Variants in CFAP299 observed in about 807,000 individuals in gnomAD.
CFAP299 encodes the protein cilia and flagella associated protein 299.
CFAP299 carries 21 observed loss-of-function variants against 27.0 expected under a neutral mutation model. That is an observed-to-expected ratio of 0.78 (90% CI 0.55 to 1.12). The LOEUF (loss-of-function observed/expected upper bound fraction) is 1.12. Among genes scored for constraint, CFAP299 ranks in the 50% most tolerant of loss-of-function variants. The probability of loss-of-function intolerance (pLI) is 0.00; values close to 1 mark genes in which losing one functional copy is unlikely to be tolerated. For synonymous variants in CFAP299, 104 were observed against 98.1 expected, an observed-to-expected ratio of 1.06 and a Z score of -0.36; for missense variants, 310 against 276.6, an observed-to-expected ratio of 1.12 and a Z score of -0.86.
At chr4:80,340,068 A>G (rs1454060541) in intron 1 of CFAP299, among the ~76,000 whole-genome samples, 1 of 152,228 alleles carries the variant, frequency 6.6e-6, no homozygotes, top group Non-Finnish European at 1.5e-5. Flanking sequence ...ACTGCAGTCC[A>G]TGGCTGTCAT....
chr4:80,962,458 A>C (rs578160285), intron 5 of CFAP299, among the ~76,000 whole-genome samples: 1 of 152,110 alleles, frequency 6.6e-6, no homozygotes, highest in African/African-American at 2.4e-5. Context: ...CATTACTATC[A>C]GTTTTATACA....
At chr4:80,545,430 A>T (rs945010950) in intron 2 of CFAP299, among the ~76,000 whole-genome samples, 1 of 151,778 alleles carries the variant, frequency 6.6e-6, no homozygotes, top group African/African-American at 2.4e-5. Context: ...ATTACAAACC[A>T]CCCTACAGAA....
At chr4:80,335,924 G>C (rs773263251) in intron 1 of CFAP299, 45 bp downstream of exon 1, 2 of 1,244,702 alleles carry the variant, frequency 1.6e-6, no homozygotes, top group South Asian at 2.4e-5. Context: ...CGCGTCCCTC[G>C]GTCCCTCCTC....
rs964990882 is a variant in CFAP299 at position 80,655,533 on chromosome 4, C to G, written c.333+72350C>G. Among the ~76,000 whole-genome samples, 11 of 152,126 alleles carry G rather than the reference C, an allele frequency of 7.2e-5. No homozygotes were observed. In the East Asian group the frequency reaches 1.2e-3, roughly 16 times the overall value. Reference sequence around the variant, plus strand: ...CCACAAATGCTTTGCATGTGTTGTTCTTGAAGAGCAAATAAAAGAGAAACC... The same window carrying G: ...CCACAAATGCTTTGCATGTGTTGTTGTTGAAGAGCAAATAAAAGAGAAACC... On this transcript the variant is annotated intron_variant, in intron 3 of 5. Transcript: ENST00000358105.
chr4:80,799,342 T>G (rs1310676900), intron 3 of CFAP299, among the ~76,000 whole-genome samples: 22 of 97,232 alleles, frequency 2.3e-4, no homozygotes, highest in Non-Finnish European at 4.0e-4. Flanking sequence ...AATATTTATA[T>G]ATATAAATGT....
In CFAP299 at chr4:80,742,213, A is replaced by G. The variant is rs77240863; in HGVS notation, c.334-127780A>G. On this transcript the variant is annotated intron_variant, in intron 3 of 5. Coordinates refer to ENST00000358105, the MANE Select transcript of CFAP299 (RefSeq NM_152770.3). ...TGATGGTGCTTTTCTGTGTGCAGAT[A>G]CTTGTTAAAATTTGATATTCCAGCA... Among the ~76,000 whole-genome samples, 760 of 152,216 alleles carry G rather than the reference A, an allele frequency of 5.0e-3. 15 individuals are homozygous for G. The highest frequency in any genetic ancestry group is 0.018 in the African/African-American group (734 of 41,524).
intron 2 of CFAP299, among the ~76,000 whole-genome samples, chr4:80,529,383 T>A (rs1376106134): frequency 6.6e-6 from 1 of 152,204 alleles, no homozygotes; most frequent in African/African-American, 2.4e-5. Context: ...TACAACAGAC[T>A]ATGTTCTTAT....
At chr4:80,868,925 G>C (rs1176718932) in intron 3 of CFAP299, among the ~76,000 whole-genome samples, 2 of 151,334 alleles carry the variant, frequency 1.3e-5, no homozygotes, top group East Asian at 3.9e-4. Flanking sequence ...GTGTGTGTGT[G>C]TGTGTGTGTG....
At chr4:80,570,369 G>A (rs770143197) in intron 2 of CFAP299, among the ~76,000 whole-genome samples, 7 of 151,812 alleles carry the variant, frequency 4.6e-5, no homozygotes, top group Non-Finnish European at 8.8e-5. Flanking sequence ...TATTTGCAGA[G>A]CATATAGTAA....
intron 4 of CFAP299, among the ~76,000 whole-genome samples, chr4:80,933,917 A>G (rs1043760645): frequency 1.3e-5 from 2 of 152,014 alleles, no homozygotes; most frequent in African/African-American, 4.8e-5. Context: ...AAGGTCTTCT[A>G]TTTCTTTTTG....
At chr4:80,855,804 C>G (rs2110152524) in intron 3 of CFAP299, among the ~76,000 whole-genome samples, 1 of 152,118 alleles carries the variant, frequency 6.6e-6, no homozygotes, top group South Asian at 2.1e-4. Context: ...TCCAGTCTAT[C>G]ATTGTTGGAC....
At chr4:80,365,460 T>C (rs1723782739) in intron 2 of CFAP299, among the ~76,000 whole-genome samples, 1 of 152,210 alleles carries the variant, frequency 6.6e-6, no homozygotes, top group Non-Finnish European at 1.5e-5. Flanking sequence ...TTCACAGTTC[T>C]TAAGATTAGA....
intron 4 of CFAP299, among the ~76,000 whole-genome samples, chr4:80,938,971 A>C (rs146059970): frequency 0.013 from 1,983 of 152,156 alleles, 24 homozygotes; most frequent in Middle Eastern, 0.02. Context: ...AGCACTTTAA[A>C]TATATTGTTT....
Position 80,675,052 on chromosome 4 carries a change from G to C in CFAP299, c.333+91869G>C, listed in dbSNP as rs367902838. On this transcript the variant is annotated intron_variant, in intron 3 of 5. Transcript: ENST00000358105. ...GCTCATCAAAGTCATTCTCCATCCA[G>C]CTTTGTTGCATTGCTGGTGAGGAGC... 5.1e-3 allele frequency among the ~76,000 whole-genome samples: 771 copies of C among 152,314 alleles called. 5 individuals are homozygous for C. The highest frequency in any genetic ancestry group is 0.02 in the Middle Eastern group (6 of 294).
intron 3 of CFAP299, among the ~76,000 whole-genome samples, chr4:80,613,635 C>T (rs901962005): frequency 3.3e-5 from 5 of 152,096 alleles, no homozygotes; most frequent in Non-Finnish European, 7.4e-5. Context: ...AAAATGCAGT[C>T]CATCTGTCAC....
intron 4 of CFAP299, among the ~76,000 whole-genome samples, chr4:80,924,538 G>GTGTATGTATATATA (rs5859742): frequency 2.3e-5 from 3 of 131,670 alleles, no homozygotes; most frequent in Admixed American, 7.4e-5. Flanking sequence ...GTGTGTGTGT[G>GTGTATGTATATATA]TATATATATA....
rs1491433260 is a variant in CFAP299, at chr4:80,924,539, T to TGC, written c.477-20271_477-20270insGC. Among the ~76,000 whole-genome samples the TGC allele has an allele frequency of 3.3e-3, 282 of 86,098 alleles. 2 individuals are homozygous for TGC. Among genetic ancestry groups the TGC allele is most frequent in the Non-Finnish European group, 1.2e-3 (53 of 43,184 alleles). The allele number at this position is 86,098 out of a possible 152,430, so 56.5% of individuals were successfully genotyped here. A position where few individuals can be genotyped will look rare whatever the true frequency, so the allele number is the denominator to read the frequency against. ...ATGTGTGTGTGTGTGTGTGTGTGTG[T>TGC]ATATATATATATATATATATATATC... On this transcript the variant is annotated intron_variant, in intron 4 of 5. Coordinates refer to ENST00000358105, the MANE Select transcript of CFAP299 (RefSeq NM_152770.3).
intron 2 of CFAP299, among the ~76,000 whole-genome samples, chr4:80,376,675 A>C (rs1429543977): frequency 6.6e-6 from 1 of 152,160 alleles, no homozygotes; most frequent in East Asian, 1.9e-4. Flanking sequence ...TTTTATTGAG[A>C]TGGAGTTTCA....
At chr4:80,619,427 T>G (rs558827438) in intron 3 of CFAP299, among the ~76,000 whole-genome samples, 75 of 152,224 alleles carry the variant, frequency 4.9e-4, no homozygotes, top group Non-Finnish European at 9.0e-4. Flanking sequence ...ATACTTAGTG[T>G]TGAAGAACTT....
Sources: gnomAD v4.1 joint callset for allele counts (sites outside exome capture counted in the v4.1 genomes callset) on GRCh38, gnomAD v4.1.1 for gene constraint, MANE v1.5 for transcripts, NCBI Gene and HGNC (gene_info 2026-07-23, HGNC 2026-07-21) for gene names.